The following RELN variants were observed in gnomAD, a reference collection of about 807,000 sequenced individuals.
RELN encodes the protein reelin.
A neutral mutation model predicts 427.6 loss-of-function variants in RELN; 108 were observed. The observed-to-expected ratio is 0.25, with a 90% confidence interval of 0.22 to 0.30. The LOEUF is 0.30. Among genes scored for constraint, RELN ranks in the 10% least tolerant of loss-of-function variants. RELN has a pLI of 1.00. For synonymous variants in RELN, 1,524 were observed against 1,513.4 expected (o/e 1.01, Z -0.16); for missense variants, 3,715 against 4,302.8 (o/e 0.86, Z 3.82).
intron 20 of RELN, among the ~76,000 whole-genome samples, chr7:103,619,019 G>A (rs1832149900): frequency 1.3e-5 from 2 of 152,064 alleles, no homozygotes; most frequent in African/African-American, 4.8e-5. Flanking sequence ...TTGGGAGGCT[G>A]AGGCAGGAGA....
chr7:103,657,276 C>A (rs114382154), intron 12 of RELN, among the ~76,000 whole-genome samples: 1,615 of 152,006 alleles, frequency 0.011, 34 homozygotes, highest in African/African-American at 0.036. Flanking sequence ...ATGATAAATA[C>A]AGCTACTAAA....
intron 53 of RELN, among the ~76,000 whole-genome samples, chr7:103,499,583 GTTTC>G (rs141242156): frequency 0.015 from 2,316 of 152,244 alleles, 61 homozygotes; most frequent in African/African-American, 0.053. Flanking sequence ...GATTTAAACA[GTTTC>G]TTTTTCTCAA....
At chr7:103,942,559 C>T (rs1385999124) in intron 1 of RELN, among the ~76,000 whole-genome samples, 1 of 152,158 alleles carries the variant, frequency 6.6e-6, no homozygotes, top group South Asian at 2.1e-4. Flanking sequence ...GCAGAATTCC[C>T]GGCAGAATGT....
At chr7:103,567,254 G>C (rs900882135) in intron 31 of RELN, among the ~76,000 whole-genome samples, 93 of 152,184 alleles carry the variant, frequency 6.1e-4, no homozygotes, top group Non-Finnish European at 1.0e-3. Context: ...GTCAGATCTT[G>C]GTCAGTGAAG....
rs362808 is a variant in RELN, at chr7:103,569,644, T to C, written c.4588+2540A>G. On this transcript the variant is annotated intron_variant, in intron 31 of 64. Transcript: ENST00000428762. The surrounding 1 kb of genome is among the most constrained non-coding windows in gnomAD (Gnocchi z 4.0). ...TTAGCTTTTTAAGGAGTGCCACATA[T>C]ACCTCAGGCAGTAACAAGGTCTGCA... is the stretch of plus-strand genomic sequence containing the variant. Among the ~76,000 whole-genome samples, 119 of 152,266 alleles carry C rather than the reference T, an allele frequency of 7.8e-4. No individual in the cohort carries two copies. The highest frequency in any genetic ancestry group is 2.7e-3 in the African/African-American group (113 of 41,560).
intron 2 of RELN, among the ~76,000 whole-genome samples, chr7:103,855,359 T>TGCCACTGCAGACACAATGGGAAGTG (rs1793920201): frequency 6.6e-6 from 1 of 152,196 alleles, no homozygotes; most frequent in Non-Finnish European, 1.5e-5. Flanking sequence ...AAAGAATGTG[T>TGCCACTGCAGACACAATGGGAAGTG]GCCACTGCAG....
intron 3 of RELN, among the ~76,000 whole-genome samples, chr7:103,786,211 T>C (rs1792010901): frequency 6.6e-6 from 1 of 151,920 alleles, no homozygotes. Context: ...AATGTGAAAA[T>C]AAAATTAGTC....
intron 15 of RELN, 138 bp downstream of exon 15, chr7:103,651,523 C>CT (rs1480165940): frequency 2.6e-6 from 2 of 774,358 alleles, no homozygotes; most frequent in Non-Finnish European, 4.4e-6. Flanking sequence ...TTCTTTCTTT[C>CT]TTTTTTACAA....
intron 16 of RELN, among the ~76,000 whole-genome samples, chr7:103,645,156 C>T (rs575195399): frequency 2.6e-5 from 4 of 151,866 alleles, no homozygotes; most frequent in South Asian, 2.1e-4. Context: ...AAGATCAATA[C>T]TCACCATCCT....
intron 3 of RELN, among the ~76,000 whole-genome samples, chr7:103,794,332 A>G (rs1470630593): frequency 6.6e-6 from 1 of 152,134 alleles, no homozygotes; most frequent in Non-Finnish European, 1.5e-5. Context: ...TGAGTAGGAC[A>G]GATTTCATGC....
chr7:103,516,390 A>G (rs1008789602), intron 49 of RELN, among the ~76,000 whole-genome samples: 1 of 151,918 alleles, frequency 6.6e-6, no homozygotes, highest in Non-Finnish European at 1.5e-5. Flanking sequence ...GGTGCAAGCA[A>G]TTCTCCTGCC....
intron 32 of RELN, 66 bp downstream of exon 32, chr7:103,566,535 G>C: frequency 6.3e-7 from 1 of 1,597,084 alleles, no homozygotes. Flanking sequence ...AACACACAGT[G>C]CAAGGTGGGT....
intron 5 of RELN, among the ~76,000 whole-genome samples, chr7:103,750,383 A>T (rs944830429): frequency 1.3e-5 from 2 of 152,136 alleles, no homozygotes; most frequent in Non-Finnish European, 1.5e-5. Flanking sequence ...CACAATTGTA[A>T]GTTTCCTAAG....
chr7:103,547,929 ATCT>A (rs1388382492), intron 41 of RELN, among the ~76,000 whole-genome samples: 1 of 152,208 alleles, frequency 6.6e-6, no homozygotes, highest in Non-Finnish European at 1.5e-5. Flanking sequence ...TTCTGCTGAA[ATCT>A]TATTTTGAAA....
intron 3 of RELN, among the ~76,000 whole-genome samples, chr7:103,811,423 T>C (rs944203763): frequency 6.6e-6 from 1 of 152,210 alleles, no homozygotes; most frequent in Non-Finnish European, 1.5e-5. Flanking sequence ...GTGCATCTTA[T>C]GAATTAAACA....
At chr7:103,895,063 G>A (rs1204146625) in intron 2 of RELN, among the ~76,000 whole-genome samples, 1 of 152,090 alleles carries the variant, frequency 6.6e-6, no homozygotes, top group Non-Finnish European at 1.5e-5. Flanking sequence ...CAACTCGTCA[G>A]TTAATTAACT....
At chr7:103,515,755 G>A (rs1829551487) in intron 49 of RELN, among the ~76,000 whole-genome samples, 1 of 152,152 alleles carries the variant, frequency 6.6e-6, no homozygotes, top group East Asian at 1.9e-4. Context: ...TAGGCCTAGA[G>A]TATATGCACT....
rs745955015 is a variant in RELN, at chr7:103,708,464, C to CTTTTTTTTTTTTTTTTTTTTTT, written c.806-7459_806-7458insAAAAAAAAAAAAAAAAAAAAAA. Among the ~76,000 whole-genome samples the CTTTTTTTTTTTTTTTTTTTTTT allele has an allele frequency of 5.0e-4, 55 of 110,032 alleles. 11 individuals are homozygous for CTTTTTTTTTTTTTTTTTTTTTT. The highest frequency in any genetic ancestry group is 1.9e-3 in the African/African-American group (43 of 22,598). 72.2% of individuals were successfully genotyped at this position (110,032 alleles called of 152,430 possible). A position where few individuals can be genotyped will look rare whatever the true frequency, so the allele number is the denominator to read the frequency against. On this transcript the variant is annotated intron_variant, in intron 8 of 64. Coordinates refer to ENST00000428762, the MANE Select transcript of RELN (RefSeq NM_005045.4). ...CACCCAAACACCAGTGGGTATGACTCTTTTTTTTTTTTTTTTTGAGACGGA... is the reference window on the plus strand; with the variant it reads ...CACCCAAACACCAGTGGGTATGACTCTTTTTTTTTTTTTTTTTTTTTTTTTTTTTTTTTTTTTTTGAGACGGA...
rs144555500 is a variant in RELN at position 103,522,701 on chromosome 7, G to A, written c.7491-502C>T. Among the ~76,000 whole-genome samples, 7 of 152,266 alleles carry A rather than the reference G, an allele frequency of 4.6e-5. No homozygotes were observed. In the East Asian group the frequency reaches 1.2e-3, roughly 25 times the overall value. On this transcript the variant is annotated intron_variant, in intron 47 of 64. Coordinates refer to ENST00000428762, the MANE Select transcript of RELN (RefSeq NM_005045.4). ...TGGAAGGGCATATGAATATAGGACT[G>A]GGAAGCTCAGGGATCTCAAGGGTCG... is the stretch of plus-strand genomic sequence containing the variant.
Sources: allele counts gnomAD v4.1 joint callset (sites outside exome capture counted in the v4.1 genomes callset), GRCh38; gene constraint gnomAD v4.1.1; non-coding constraint Gnocchi (gnomAD v3.1); transcripts MANE v1.5; gene names NCBI Gene and HGNC (gene_info 2026-07-23, HGNC 2026-07-21).